Variants in ERC2 observed in about 807,000 individuals in gnomAD.
ERC2 encodes the protein ERC protein 2.
ERC2 carries 42 observed loss-of-function variants against 114.8 expected under a neutral mutation model. The ratio of observed to expected loss-of-function variants is 0.37; its 90% CI spans 0.29 to 0.47. ERC2 has a LOEUF of 0.47. ERC2 is among the 20% of genes least tolerant of loss of function. The pLI, the probability that ERC2 is intolerant of heterozygous loss-of-function variation, is 0.99. For missense variants in ERC2, 939 were observed against 1,150.7 expected (o/e 0.82, Z 2.66); for synonymous variants, 454 against 425.5 (o/e 1.07, Z -0.82).
intron 7 of ERC2, among the ~76,000 whole-genome samples, chr3:56,074,111 A>G (rs1395092094): frequency 6.6e-6 from 1 of 152,126 alleles, no homozygotes; most frequent in Non-Finnish European, 1.5e-5. Context: ...ATTGTAGTTT[A>G]GCTAATCTGT....
intron 14 of ERC2, among the ~76,000 whole-genome samples, chr3:55,758,693 A>G (rs892629718): frequency 6.6e-6 from 1 of 152,200 alleles, no homozygotes; most frequent in African/African-American, 2.4e-5. Flanking sequence ...CAGCCATTTA[A>G]TATAAGGAAG....
intron 17 of ERC2, among the ~76,000 whole-genome samples, chr3:55,637,745 G>A (rs1257379306): frequency 2.6e-5 from 4 of 151,966 alleles, no homozygotes; most frequent in Non-Finnish European, 4.4e-5. Flanking sequence ...TCTCTCTATC[G>A]AGCATCGTCA....
chr3:55,738,745 T>C (rs2065796335), intron 14 of ERC2, among the ~76,000 whole-genome samples: 1 of 152,186 alleles, frequency 6.6e-6, no homozygotes, highest in African/African-American at 2.4e-5. Context: ...AAAGTCATCA[T>C]CAACCAAAAA....
intron 14 of ERC2, among the ~76,000 whole-genome samples, chr3:55,744,016 T>G (rs1019531494): frequency 5.3e-5 from 8 of 152,242 alleles, no homozygotes; most frequent in African/African-American, 1.7e-4. Context: ...TTACTCCGTT[T>G]GCAAACTCCC....
At chr3:55,787,243 C>T (rs2149067130) in intron 14 of ERC2, among the ~76,000 whole-genome samples, 1 of 152,182 alleles carries the variant, frequency 6.6e-6, no homozygotes, top group Middle Eastern at 3.4e-3. Context: ...TGGTGAAACC[C>T]TGTCTCTACC....
At chr3:55,700,861 C>G (rs1462618029) in intron 15 of ERC2, among the ~76,000 whole-genome samples, 3 of 152,112 alleles carry the variant, frequency 2.0e-5, no homozygotes, top group Admixed American at 2.0e-4. Context: ...TAGGGCCTAG[C>G]AGATGTAGAT....
intron 17 of ERC2, among the ~76,000 whole-genome samples, chr3:55,647,525 G>A (rs1331583132): frequency 2.0e-5 from 3 of 152,068 alleles, no homozygotes; most frequent in Non-Finnish European, 4.4e-5. Context: ...AATATACCCT[G>A]GCTTTCTGTG....
At chr3:56,369,895 T>G (rs1431624030) in intron 2 of ERC2, among the ~76,000 whole-genome samples, 1 of 152,184 alleles carries the variant, frequency 6.6e-6, no homozygotes, top group Non-Finnish European at 1.5e-5. Flanking sequence ...CAGGATGGTC[T>G]CGATCTCTTG....
intron 14 of ERC2, among the ~76,000 whole-genome samples, chr3:55,832,182 C>T (rs570756144): frequency 2.6e-5 from 4 of 152,330 alleles, no homozygotes; most frequent in South Asian, 2.1e-4. Context: ...GGGCAGGGCA[C>T]GGACAAACAA....
At chr3:55,714,700 TA>T in intron 15 of ERC2, among the ~76,000 whole-genome samples, 1 of 69,074 alleles carries the variant, frequency 1.4e-5, no homozygotes, top group Non-Finnish European at 2.9e-5. Flanking sequence ...TATATATATA[TA>T]TATATATATA....
chr3:56,072,803 G>A (rs1284684374), intron 7 of ERC2, among the ~76,000 whole-genome samples: 1 of 152,124 alleles, frequency 6.6e-6, no homozygotes, highest in East Asian at 1.9e-4. Context: ...TTTAAACTGA[G>A]TGTTATCTGC....
chr3:56,150,320 C>G (rs547741312), intron 4 of ERC2, among the ~76,000 whole-genome samples: 1 of 152,182 alleles, frequency 6.6e-6, no homozygotes, highest in Admixed American at 6.6e-5. Flanking sequence ...ACTTTATTTT[C>G]CTATAATCTA....
At chr3:55,754,704 C>T (rs1218019796) in intron 14 of ERC2, among the ~76,000 whole-genome samples, 3 of 151,116 alleles carry the variant, frequency 2.0e-5, no homozygotes, top group Non-Finnish European at 4.4e-5. Context: ...TGTAGTTTCT[C>T]TTTGAACTAC....
chr3:55,530,975 A>G (rs73077414), intron 17 of ERC2, among the ~76,000 whole-genome samples: 21,998 of 152,184 alleles, frequency 0.14, 1,975 homozygotes, highest in Middle Eastern at 0.26. Flanking sequence ...CCAGAGCCCA[A>G]CTGACCTTTT....
At chr3:56,219,374 G>A (rs1047428298) in intron 3 of ERC2, among the ~76,000 whole-genome samples, 10 of 152,052 alleles carry the variant, frequency 6.6e-5, no homozygotes, top group African/African-American at 2.4e-4. Context: ...CTAACCTCCA[G>A]CAAGTGATGG....
At chr3:55,681,184 T>A (rs925433907) in intron 17 of ERC2, among the ~76,000 whole-genome samples, 1 of 152,190 alleles carries the variant, frequency 6.6e-6, no homozygotes, top group Non-Finnish European at 1.5e-5. Flanking sequence ...AAATAAATCA[T>A]GTCTGGACTT....
At chr3:55,637,122 T>G (rs1001158619) in intron 17 of ERC2, among the ~76,000 whole-genome samples, 2 of 152,216 alleles carry the variant, frequency 1.3e-5, no homozygotes, top group Non-Finnish European at 2.9e-5. Context: ...GGATCAGGCC[T>G]GTGGCTGAGG....
intron 17 of ERC2, among the ~76,000 whole-genome samples, chr3:55,654,094 G>A (rs1003007984): frequency 3.3e-5 from 5 of 152,232 alleles, no homozygotes; most frequent in Non-Finnish European, 4.4e-5. Flanking sequence ...TTCTTGATGA[G>A]GAAGGCTTGC....
At chr3:56,172,500 G>A (rs1202743605) in intron 4 of ERC2, among the ~76,000 whole-genome samples, 1 of 152,132 alleles carries the variant, frequency 6.6e-6, no homozygotes, top group African/African-American at 2.4e-5. Context: ...ATCATATGCT[G>A]CAAGAAGGAT....
Sources: gnomAD v4.1 joint callset for allele counts (sites outside exome capture counted in the v4.1 genomes callset) on GRCh38, gnomAD v4.1.1 for gene constraint, MANE v1.5 for transcripts, NCBI Gene and HGNC (gene_info 2026-07-23, HGNC 2026-07-21) for gene names.